The following ZMAT4 variants were observed in gnomAD, a reference collection of about 807,000 sequenced individuals.
ZMAT4 encodes the protein zinc finger matrin-type 4.
In ZMAT4, 17 loss-of-function variants were observed where a neutral mutation model predicts 28.7. That is an observed-to-expected ratio of 0.59 (90% CI 0.41 to 0.89). ZMAT4 has a LOEUF of 0.89. ZMAT4 is among the 40% of genes least tolerant of loss of function. The pLI, the probability that ZMAT4 is intolerant of heterozygous loss-of-function variation, is 0.00. For synonymous variants in ZMAT4, 117 were observed against 109.2 expected (o/e 1.07, Z -0.44); for missense variants, 240 against 283.8 (o/e 0.85, Z 1.11).
At chr8:40,820,531 T>C (rs557347780) in intron 2 of ZMAT4, among the ~76,000 whole-genome samples, 106 of 139,204 alleles carry the variant, frequency 7.6e-4, no homozygotes, top group African/African-American at 2.8e-3. Context: ...TATGCATGTG[T>C]TTATGTGTGC....
intron 3 of ZMAT4, among the ~76,000 whole-genome samples, chr8:40,756,990 C>T (rs11780697): frequency 0.28 from 42,995 of 151,928 alleles, 6,532 homozygotes; most frequent in Non-Finnish European, 0.34. Context: ...GTCTTTTCTC[C>T]CTGAGGCACC....
Position 40,698,726 on chromosome 8 carries a change from A to T in ZMAT4, c.193-1325T>A, listed in dbSNP as rs188783930. 4.5e-4 allele frequency among the ~76,000 whole-genome samples: 69 copies of T among 152,304 alleles called. No individual in the cohort carries two copies. In the East Asian group the frequency reaches 0.013, roughly 28 times the overall value. The stretch of plus-strand genomic sequence containing the variant: ...AAATGAATTCCTTCCTCCTTAAGAC[A>T]TTAGTCTGTAATATCTCTGATAATT... On this transcript the variant is annotated intron_variant, in intron 3 of 6. Coordinates refer to ENST00000297737, the MANE Select transcript of ZMAT4 (RefSeq NM_024645.3).
intron 3 of ZMAT4, among the ~76,000 whole-genome samples, chr8:40,742,306 A>G (rs1222649835): frequency 2.0e-5 from 3 of 150,796 alleles, no homozygotes; most frequent in Non-Finnish European, 2.9e-5. Context: ...TGCCTAAAAA[A>G]CCATATATAT....
intron 5 of ZMAT4, among the ~76,000 whole-genome samples, chr8:40,650,307 A>G (rs2118811129): frequency 6.6e-6 from 1 of 151,826 alleles, no homozygotes; most frequent in South Asian, 2.1e-4. Context: ...CGTCTATGCA[A>G]ATAAACTAGA....
rs1241477121 is a variant in ZMAT4 at position 40,810,271 on chromosome 8, T to C, written c.102+15304A>G. 2.0e-5 allele frequency among the ~76,000 whole-genome samples: 3 copies of C among 152,154 alleles called. No individual in the cohort carries two copies. The South Asian group carries it at 6.2e-4, about 32-fold the overall frequency. ...TTCACATGGATTCAAAAGCATACACTAAACAAATAGCTAAGTCAACTCTAC... is the reference window on the plus strand; with the variant it reads ...TTCACATGGATTCAAAAGCATACACCAAACAAATAGCTAAGTCAACTCTAC... On this transcript the variant is annotated intron_variant, in intron 2 of 6. Transcript: ENST00000297737.
rs145924504 is a variant in ZMAT4, at chr8:40,641,841, G to A, written c.577+32863C>T. On this transcript the variant is annotated intron_variant, in intron 5 of 6. Coordinates refer to ENST00000297737, the MANE Select transcript of ZMAT4 (RefSeq NM_024645.3). The stretch of plus-strand genomic sequence containing the variant: ...AGGATTTATTAGTCAAAGGATATAA[G>A]GTTTCAGTTATTCTTTTTTTAAATG... 1.7e-4 allele frequency among the ~76,000 whole-genome samples: 26 copies of A among 152,212 alleles called. No homozygotes were observed. The East Asian group carries it at 4.8e-3, about 28-fold the overall frequency.
intron 3 of ZMAT4, among the ~76,000 whole-genome samples, chr8:40,741,524 C>T (rs1424096040): frequency 6.6e-6 from 1 of 151,294 alleles, no homozygotes; most frequent in Non-Finnish European, 1.5e-5. Flanking sequence ...AAAGAAATTG[C>T]ATTTTTGCCT....
intron 1 of ZMAT4, among the ~76,000 whole-genome samples, chr8:40,847,354 G>T (rs958878182): frequency 2.0e-5 from 3 of 152,154 alleles, no homozygotes; most frequent in Non-Finnish European, 4.4e-5. Flanking sequence ...ATTAAACAAC[G>T]TGTTACCCAG....
intron 3 of ZMAT4, among the ~76,000 whole-genome samples, chr8:40,727,311 G>A (rs889892683): frequency 6.6e-6 from 1 of 152,098 alleles, no homozygotes; most frequent in Non-Finnish European, 1.5e-5. Context: ...ATTCCCTCGT[G>A]TCTATTTCTA....
At chr8:40,884,059 G>T (rs185650277) in intron 1 of ZMAT4, among the ~76,000 whole-genome samples, 1 of 152,158 alleles carries the variant, frequency 6.6e-6, no homozygotes, top group Admixed American at 6.5e-5. Flanking sequence ...CTCTCGCTCT[G>T]TGTGCAGGGA....
intron 1 of ZMAT4, among the ~76,000 whole-genome samples, chr8:40,874,159 T>A (rs1342568338): frequency 2.6e-5 from 4 of 152,200 alleles, no homozygotes; most frequent in African/African-American, 9.6e-5. Context: ...TGTCAGCCTC[T>A]TTCATGGCTT....
chr8:40,863,540 G>A (rs1659236189), intron 1 of ZMAT4, among the ~76,000 whole-genome samples: 1 of 152,186 alleles, frequency 6.6e-6, no homozygotes, highest in African/African-American at 2.4e-5. Context: ...GGAAGTGGAG[G>A]CTGTGAGAAG....
chr8:40,607,978 T>A (rs1249570325), intron 5 of ZMAT4, among the ~76,000 whole-genome samples: 1 of 152,098 alleles, frequency 6.6e-6, no homozygotes, highest in Non-Finnish European at 1.5e-5. Context: ...GTTGTGTTTT[T>A]TTTTAATGTG....
intron 1 of ZMAT4, among the ~76,000 whole-genome samples, chr8:40,874,511 A>C (rs1163362069): frequency 6.6e-6 from 1 of 152,182 alleles, no homozygotes; most frequent in Non-Finnish European, 1.5e-5. Flanking sequence ...CGAATCTCAC[A>C]GTTGGGTCTC....
Position 40,532,100 on chromosome 8 carries a change from C to T in ZMAT4, c.*123G>A. 1.1e-6 allele frequency: 1 copy of T among 877,554 alleles called. No homozygotes were observed. The highest frequency in any genetic ancestry group is 1.6e-6 in the Non-Finnish European group (1 of 622,666). 54.4% of individuals were successfully genotyped at this position (877,554 alleles called of 1,614,324 possible). ...AAATCAAGATCAGTCGTATGTGAATCTGTGAATCCTTATAAGAAATGTTTA... is the reference window on the plus strand; with the variant it reads ...AAATCAAGATCAGTCGTATGTGAATTTGTGAATCCTTATAAGAAATGTTTA... On this transcript the variant is annotated 3_prime_UTR_variant, in exon 7 of 7. Coordinates refer to ENST00000297737, the MANE Select transcript of ZMAT4 (RefSeq NM_024645.3).
chr8:40,765,944 A>G (rs768169373), intron 3 of ZMAT4, among the ~76,000 whole-genome samples: 5 of 152,344 alleles, frequency 3.3e-5, no homozygotes, highest in Non-Finnish European at 7.3e-5. Context: ...TACTCTCCCA[A>G]TGGGAAGCAC....
chr8:40,619,617 G>C (rs1179440522), intron 5 of ZMAT4, among the ~76,000 whole-genome samples: 1 of 152,216 alleles, frequency 6.6e-6, no homozygotes, highest in Non-Finnish European at 1.5e-5. Flanking sequence ...GACAGGACAG[G>C]CATGCAGGGG....
At chr8:40,535,960 G>A (rs1054492417) in intron 6 of ZMAT4, among the ~76,000 whole-genome samples, 1 of 152,164 alleles carries the variant, frequency 6.6e-6, no homozygotes, top group Admixed American at 6.5e-5. Flanking sequence ...GATACGGCCA[G>A]AGTTTGTTAG....
At chr8:40,628,367 C>T (rs1346270962) in intron 5 of ZMAT4, among the ~76,000 whole-genome samples, 1 of 152,180 alleles carries the variant, frequency 6.6e-6, no homozygotes, top group Non-Finnish European at 1.5e-5. Flanking sequence ...CACCAAGCAT[C>T]GCGTTAAGCA....
Sources: allele counts gnomAD v4.1 joint callset (sites outside exome capture counted in the v4.1 genomes callset), GRCh38; gene constraint gnomAD v4.1.1; transcripts MANE v1.5; gene names NCBI Gene and HGNC (gene_info 2026-07-23, HGNC 2026-07-21).